Variants in PLD1 observed in about 807,000 individuals in gnomAD.
PLD1 encodes choline phosphatase 1.
In PLD1, 112 loss-of-function variants were observed where a neutral mutation model predicts 137.1. That is an observed-to-expected ratio of 0.82 (90% CI 0.70 to 0.96). PLD1 has a LOEUF of 0.96. Ranked by LOEUF, PLD1 falls within the 40% of genes least tolerant of loss-of-function variation. The pLI, the probability that PLD1 is intolerant of heterozygous loss-of-function variation, is 0.00. For synonymous variants in PLD1, 431 were observed against 454.7 expected, an observed-to-expected ratio of 0.95 and a Z score of 0.66; for missense variants, 1,321 against 1,342.0, an observed-to-expected ratio of 0.98 and a Z score of 0.24.
At chr3:171,764,859 GAAA>G (rs1721723800) in intron 1 of PLD1, among the ~76,000 whole-genome samples, 5 of 22,466 alleles carry the variant, frequency 2.2e-4, no homozygotes, top group African/African-American at 7.5e-4. Flanking sequence ...AAGAAAGAAA[GAAA>G]GAAAGAAAGA....
At chr3:171,645,347 G>A (rs1409858908) in intron 21 of PLD1, among the ~76,000 whole-genome samples, 1 of 152,190 alleles carries the variant, frequency 6.6e-6, no homozygotes, top group Non-Finnish European at 1.5e-5. Context: ...GAAAGAGGCG[G>A]GTAGGGGAGG....
rs201859624 is a variant in PLD1, at chr3:171,612,271, G to A, written c.2882+8C>T. The A allele has an allele frequency of 1.4e-4, 218 of 1,613,274 alleles. 1 individual carries two copies. The African/African-American group carries it at 1.8e-3, about 13-fold the overall frequency. ...ATGCATCAGAGAGACACACTTTGGC[G>A]GACTGACCTAAAGCACTGTAGCCGA... On this transcript the variant is annotated splice_region_variant and intron_variant, in intron 25 of 26. Coordinates refer to ENST00000351298, the MANE Select transcript of PLD1 (RefSeq NM_002662.5). This position sits in a 1 kb window ranked among gnomAD's most constrained non-coding sequence, Gnocchi z 4.1.
intron 17 of PLD1, 37 bp downstream of exon 17, chr3:171,677,529 C>A: frequency 6.3e-7 from 1 of 1,598,406 alleles, no homozygotes; most frequent in Non-Finnish European, 8.5e-7. Context: ...AGGTAAAAGA[C>A]AAAATATAAC....
At chr3:171,729,036 AT>A (rs1718739054) in intron 6 of PLD1, among the ~76,000 whole-genome samples, 1 of 152,226 alleles carries the variant, frequency 6.6e-6, no homozygotes, top group South Asian at 2.1e-4. Flanking sequence ...AAAAATTGAA[AT>A]TTAACAAAGA....
At chr3:171,642,457 C>CAAAA (rs1230947984) in intron 23 of PLD1, among the ~76,000 whole-genome samples, 383 of 33,008 alleles carry the variant, frequency 0.012, 30 homozygotes, top group African/African-American at 0.043. Context: ...AACCCAGTCT[C>CAAAA]AAAAAAAAAA....
In PLD1 at chr3:171,764,941, A is replaced by AG. The variant is rs373195474; in HGVS notation, c.-31-26860dup. Among the ~76,000 whole-genome samples, 73 of 15,314 alleles carry AG rather than the reference A, an allele frequency of 4.8e-3. 7 individuals carry two copies. The highest frequency in any genetic ancestry group is 0.015 in the South Asian group (5 of 342). The allele number at this position is 15,314 out of a possible 152,430, so 10.0% of individuals were successfully genotyped here. On this transcript the variant is annotated intron_variant, in intron 1 of 26. Transcript: ENST00000351298. ...GAAAGAAAGGAAAGAAAGGAAAGAAAGAAAGAAAGAAAGAAAGAAAGAAAG... is the reference window on the plus strand; with the variant it reads ...GAAAGAAAGGAAAGAAAGGAAAGAAAGGAAAGAAAGAAAGAAAGAAAGAAAG...
At chr3:171,683,843 T>C (rs780516669) in intron 16 of PLD1, among the ~76,000 whole-genome samples, 25 of 152,248 alleles carry the variant, frequency 1.6e-4, no homozygotes, top group Non-Finnish European at 3.5e-4. Flanking sequence ...TAAACACTTA[T>C]TTAATTAAAT....
intron 12 of PLD1, among the ~76,000 whole-genome samples, chr3:171,694,448 A>G (rs1197953408): frequency 1.3e-5 from 2 of 152,090 alleles, no homozygotes; most frequent in African/African-American, 4.8e-5. Flanking sequence ...TTAACCACTG[A>G]TGAAGGGCTC....
chr3:171,638,177 T>C (rs1255786827), intron 23 of PLD1, among the ~76,000 whole-genome samples: 2 of 108,592 alleles, frequency 1.8e-5, no homozygotes, highest in Admixed American at 1.2e-4. Flanking sequence ...AGAGCGAGAC[T>C]CCGTCTCAAA....
intron 1 of PLD1, chr3:171,792,247 A>T (rs1723241911): frequency 4.3e-6 from 1 of 230,626 alleles, no homozygotes. Flanking sequence ...TCTACCTTGC[A>T]TCTCAATTCC....
chr3:171,803,646 T>C (rs1247450400), intron 1 of PLD1, among the ~76,000 whole-genome samples: 1 of 152,066 alleles, frequency 6.6e-6, no homozygotes, highest in Non-Finnish European at 1.5e-5. Flanking sequence ...GGCAGGAGAA[T>C]CGCTTGGACC....
intron 21 of PLD1, among the ~76,000 whole-genome samples, chr3:171,650,067 A>T (rs2108398088): frequency 6.6e-6 from 1 of 152,344 alleles, no homozygotes; most frequent in East Asian, 1.9e-4. Flanking sequence ...GGAGAAACGA[A>T]GCAGGCATTG....
At chr3:171,630,012 T>C (rs1358526325) in intron 23 of PLD1, among the ~76,000 whole-genome samples, 3 of 152,026 alleles carry the variant, frequency 2.0e-5, no homozygotes, top group African/African-American at 4.8e-5. Context: ...AATTGACAAA[T>C]TGGATCTAAT....
At chr3:171,751,580 T>C (rs1161841753) in intron 1 of PLD1, among the ~76,000 whole-genome samples, 1 of 152,240 alleles carries the variant, frequency 6.6e-6, no homozygotes, top group Non-Finnish European at 1.5e-5. Context: ...AGGGAAGTCG[T>C]ATTGAAACAA....
chr3:171,697,248 T>TTG (rs1715810140), intron 12 of PLD1, among the ~76,000 whole-genome samples: 4 of 136,166 alleles, frequency 2.9e-5, no homozygotes, highest in African/African-American at 6.4e-5. Flanking sequence ...TTTTTTTTTT[T>TTG]TTTTTTTTTT....
At chr3:171,705,694 A>G (rs1716625771) in intron 11 of PLD1, among the ~76,000 whole-genome samples, 1 of 152,228 alleles carries the variant, frequency 6.6e-6, no homozygotes. Flanking sequence ...AAAGACTGAC[A>G]ACATCAAGTG....
At chr3:171,643,926 T>C (rs1161882169) in intron 22 of PLD1, among the ~76,000 whole-genome samples, 2 of 151,760 alleles carry the variant, frequency 1.3e-5, no homozygotes, top group Non-Finnish European at 2.9e-5. Context: ...GCTTGAAACA[T>C]CAGTAAGAAA....
intron 25 of PLD1, among the ~76,000 whole-genome samples, chr3:171,611,039 G>C (rs1005356571): frequency 6.6e-6 from 1 of 152,206 alleles, no homozygotes; most frequent in Non-Finnish European, 1.5e-5. Flanking sequence ...CCATCTGCAA[G>C]TGAGCCAGTT....
chr3:171,682,219 T>A (rs142420616), intron 16 of PLD1, among the ~76,000 whole-genome samples: 75 of 151,780 alleles, frequency 4.9e-4, no homozygotes, highest in Admixed American at 1.4e-3. Flanking sequence ...TTAAAAATAG[T>A]ATCAAGCAAA....
Sources: gnomAD v4.1 joint callset for allele counts (sites outside exome capture counted in the v4.1 genomes callset) on GRCh38, gnomAD v4.1.1 for gene constraint, Gnocchi (gnomAD v3.1) non-coding constraint, MANE v1.5 for transcripts, NCBI Gene and HGNC (gene_info 2026-07-23, HGNC 2026-07-21) for gene names.